Variants in KSR1 observed in about 807,000 individuals in gnomAD.
KSR1 encodes the protein kinase suppressor of ras.
A neutral mutation model predicts 92.9 loss-of-function variants in KSR1; 35 were observed. The ratio of observed to expected loss-of-function variants is 0.38; its 90% CI spans 0.29 to 0.50. KSR1 has a LOEUF of 0.50. Ranked by LOEUF, KSR1 falls within the 20% of genes least tolerant of loss-of-function variation. The pLI is 0.94. For missense variants in KSR1, 972 were observed against 1,158.5 expected (o/e 0.84, Z 2.34); for synonymous variants, 467 against 472.6 (o/e 0.99, Z 0.15).
intron 2 of KSR1, among the ~76,000 whole-genome samples, chr17:27,576,587 T>C (rs182207177): frequency 3.9e-4 from 59 of 152,220 alleles, no homozygotes; most frequent in Non-Finnish European, 8.8e-5. Context: ...CCAAGATAGC[T>C]ACTAAGTGAC....
At chr17:27,473,875 C>T (rs1275289221) in intron 1 of KSR1, among the ~76,000 whole-genome samples, 2 of 152,016 alleles carry the variant, frequency 1.3e-5, no homozygotes, top group Admixed American at 6.6e-5. Flanking sequence ...GAGAGGTGAA[C>T]ATTTGAGACA....
At chr17:27,558,140 G>C (rs1323238358) in intron 2 of KSR1, 1 of 152,620 alleles carries the variant, frequency 6.6e-6, no homozygotes. Context: ...TAGAAAGCAA[G>C]CAAAGGCCCT....
chr17:27,523,979 T>TGGAAAGTG (rs1467381923), intron 1 of KSR1, among the ~76,000 whole-genome samples: 1 of 151,312 alleles, frequency 6.6e-6, no homozygotes, highest in Non-Finnish European at 1.5e-5. Context: ...GAAAGGAGAG[T>TGGAAAGTG]GGAAAGTGGG....
At chr17:27,567,263 G>A (rs2072113851) in intron 2 of KSR1, among the ~76,000 whole-genome samples, 1 of 152,144 alleles carries the variant, frequency 6.6e-6, no homozygotes, top group Admixed American at 6.5e-5. Context: ...CTGGTGACGT[G>A]GGATCTGTTT....
chr17:27,605,936 C>T (rs1383192621), intron 14 of KSR1, 123 bp downstream of exon 14: 8 of 1,224,734 alleles, frequency 6.5e-6, no homozygotes, highest in Admixed American at 2.7e-5. Context: ...AGAAGAAAAC[C>T]AAAAATGGGG....
At chr17:27,492,587 C>T (rs868171640) in intron 1 of KSR1, among the ~76,000 whole-genome samples, 1 of 152,272 alleles carries the variant, frequency 6.6e-6, no homozygotes, top group Middle Eastern at 3.4e-3. Context: ...GAGGTGAGTC[C>T]TGTGGACTTC....
chr17:27,473,389 A>G (rs933354318), intron 1 of KSR1, among the ~76,000 whole-genome samples: 6 of 152,220 alleles, frequency 3.9e-5, no homozygotes, highest in African/African-American at 1.2e-4. Context: ...AGTCCCTCAC[A>G]GTTGGAGACA....
intron 2 of KSR1, among the ~76,000 whole-genome samples, chr17:27,571,404 GCC>G (rs1326112220): frequency 6.6e-6 from 1 of 152,194 alleles, no homozygotes; most frequent in African/African-American, 2.4e-5. Flanking sequence ...GTGCTCCCTT[GCC>G]AATTTGAGAC....
intron 1 of KSR1, among the ~76,000 whole-genome samples, chr17:27,527,653 G>A (rs967835674): frequency 3.9e-5 from 6 of 151,982 alleles, no homozygotes; most frequent in Admixed American, 2.0e-4. Flanking sequence ...CCTTGGCCTC[G>A]CAAAGTGCTG....
rs189911498 is a variant in KSR1, at chr17:27,619,914, A to G, written c.2628-1279A>G. On this transcript the variant is annotated intron_variant, in intron 19 of 20. Coordinates refer to ENST00000644974, the MANE Select transcript of KSR1 (RefSeq NM_001394583.1). ...TTTTTGGTAGAGATGGGGTTTCATC[A>G]TGTTGGCCAGGGTGGTCTCAAACTC... Among the ~76,000 whole-genome samples, 208 of 152,152 alleles carry G rather than the reference A, an allele frequency of 1.4e-3. 1 individual carries two copies. The highest frequency in any genetic ancestry group is 4.8e-3 in the African/African-American group (198 of 41,504).
At chr17:27,526,828 C>T in intron 1 of KSR1, 4 of 792,328 alleles carry the variant, frequency 5.0e-6, no homozygotes, top group Admixed American at 2.4e-5. Context: ...TGGGCTCCTC[C>T]TCCGGGGGGA....
chr17:27,503,448 C>T (rs998027198), intron 1 of KSR1, among the ~76,000 whole-genome samples: 1 of 152,178 alleles, frequency 6.6e-6, no homozygotes, highest in Non-Finnish European at 1.5e-5. Context: ...CCTCTAATCC[C>T]AGCACTTTGG....
intron 1 of KSR1, among the ~76,000 whole-genome samples, chr17:27,469,995 T>A (rs1427423228): frequency 2.6e-4 from 4 of 15,684 alleles, no homozygotes; most frequent in Non-Finnish European, 7.4e-4. Flanking sequence ...GGAGATGGAG[T>A]GTGTGTGTGT....
intron 2 of KSR1, among the ~76,000 whole-genome samples, chr17:27,553,054 G>C (rs958354161): frequency 6.6e-6 from 1 of 152,124 alleles, no homozygotes; most frequent in Non-Finnish European, 1.5e-5. Flanking sequence ...TGAGTCCTCC[G>C]TCTCAACCAC....
At chr17:27,510,427 C>T (rs2069558037) in intron 1 of KSR1, among the ~76,000 whole-genome samples, 2 of 152,166 alleles carry the variant, frequency 1.3e-5, no homozygotes, top group South Asian at 4.1e-4. Context: ...CGTAAAAAGG[C>T]TTGGTTGCCA....
Position 27,491,371 on chromosome 17 carries a change from G to A in KSR1, c.231+34497G>A, listed in dbSNP as rs1034598110. Among the ~76,000 whole-genome samples the A allele has an allele frequency of 3.4e-5, 5 of 148,638 alleles. No homozygotes were observed. The East Asian group carries it at 1.0e-3, about 30-fold the overall frequency. ...TGTGTGTTGGGGGTGGGGTAGGGGC[G>A]GGGGTGGAATGTCTCGCTTTCTTGC... is the stretch of plus-strand genomic sequence containing the variant. On this transcript the variant is annotated intron_variant, in intron 1 of 20. Transcript: ENST00000644974.
At position 27,510,291 on chromosome 17, in the gene KSR1, G is replaced by T. The variant is rs2069551346; in HGVS notation, c.232-40277G>T. Among the ~76,000 whole-genome samples, 3 of 152,318 alleles carry T rather than the reference G, an allele frequency of 2.0e-5. No homozygotes were observed. The South Asian group carries it at 6.2e-4, about 32-fold the overall frequency. Reference sequence around the variant, plus strand: ...CCCACCAGGGCTCTTCCTGACCGTGGTTATCCCAGTGACCTCTGGCACGTC... The same window carrying T: ...CCCACCAGGGCTCTTCCTGACCGTGTTTATCCCAGTGACCTCTGGCACGTC... On this transcript the variant is annotated intron_variant, in intron 1 of 20. Coordinates refer to ENST00000644974, the MANE Select transcript of KSR1 (RefSeq NM_001394583.1).
At chr17:27,553,949 T>G (rs893909269) in intron 2 of KSR1, among the ~76,000 whole-genome samples, 1 of 152,160 alleles carries the variant, frequency 6.6e-6, no homozygotes, top group Admixed American at 6.5e-5. Context: ...CCCAGGGGTG[T>G]GGGTCTATTT....
intron 1 of KSR1, among the ~76,000 whole-genome samples, chr17:27,482,389 C>T (rs912430281): frequency 6.6e-6 from 1 of 152,166 alleles, no homozygotes; most frequent in African/African-American, 2.4e-5. Context: ...TGAATGTGTA[C>T]GACCTCTGGT....
Sources: gnomAD v4.1 joint callset for allele counts (sites outside exome capture counted in the v4.1 genomes callset) on GRCh38, gnomAD v4.1.1 for gene constraint, MANE v1.5 for transcripts, NCBI Gene and HGNC (gene_info 2026-07-23, HGNC 2026-07-21) for gene names.